DENND2B: variants seen among roughly 807,000 people sequenced by gnomAD.
DENND2B encodes DENN domain containing 2B.
Under a neutral mutation model 116.0 loss-of-function variants are expected in DENND2B, and 32 were observed. The observed-to-expected ratio is 0.28, with a 90% CI of 0.21 to 0.37. The LOEUF (loss-of-function observed/expected upper bound fraction) is 0.37, where lower values mean the gene tolerates loss of function less well. Among genes scored for constraint, DENND2B ranks in the 10% least tolerant of loss-of-function variants. The pLI, the probability that DENND2B is intolerant of heterozygous loss-of-function variation, is 1.00. For missense variants in DENND2B, 1,276 were observed against 1,477.7 expected (o/e 0.86, Z 2.24); for synonymous variants, 588 against 583.9 (o/e 1.01, Z -0.10).
chr11:8,897,757 T>C (rs2064120344), intron 1 of DENND2B, among the ~76,000 whole-genome samples: 1 of 152,082 alleles, frequency 6.6e-6, no homozygotes, highest in Non-Finnish European at 1.5e-5. Flanking sequence ...AGAAATAAAA[T>C]TGGGGCAGAC....
intron 4 of DENND2B, among the ~76,000 whole-genome samples, chr11:8,821,107 G>A (rs1235506815): frequency 6.2e-5 from 9 of 145,270 alleles, no homozygotes; most frequent in African/African-American, 1.0e-4. Context: ...GCAACAGAGC[G>A]AGACTCTGCC....
chr11:8,723,138 G>A (rs1423637219), intron 4 of DENND2B, among the ~76,000 whole-genome samples: 1 of 152,052 alleles, frequency 6.6e-6, no homozygotes, highest in Non-Finnish European at 1.5e-5. Context: ...ACTGCAATGT[G>A]TCAGTTTGCT....
chr11:8,728,443 T>C (rs548740685), intron 3 of DENND2B, among the ~76,000 whole-genome samples: 1 of 152,350 alleles, frequency 6.6e-6, no homozygotes, highest in Non-Finnish European at 1.5e-5. Flanking sequence ...CTTCTGGAAC[T>C]GTTTCTCTTT....
At chr11:8,903,606 G>A (rs2064198616) in intron 1 of DENND2B, among the ~76,000 whole-genome samples, 1 of 151,918 alleles carries the variant, frequency 6.6e-6, no homozygotes, top group African/African-American at 2.4e-5. Flanking sequence ...TAAGTGACTG[G>A]GCAAATTCTT....
At chr11:8,828,067 G>T (rs1485788202) in intron 4 of DENND2B, among the ~76,000 whole-genome samples, 1 of 152,152 alleles carries the variant, frequency 6.6e-6, no homozygotes, top group Admixed American at 6.5e-5. Context: ...ACTTGGGATG[G>T]ACCCCAAGGC....
At chr11:8,699,027 C>T (rs1186149086) in intron 15 of DENND2B, 53 bp from the exon 16 acceptor site, 2 of 1,606,738 alleles carry the variant, frequency 1.2e-6, no homozygotes, top group Non-Finnish European at 1.7e-6. Context: ...CCCGCAATGC[C>T]CTCTGCCAGG....
intron 10 of DENND2B, 68 bp downstream of exon 10, chr11:8,711,054 C>T (rs1315942007): frequency 6.4e-7 from 1 of 1,566,138 alleles, no homozygotes; most frequent in African/African-American, 1.4e-5. Flanking sequence ...AGGCCCCACT[C>T]AGGTGCCCAC....
At chr11:8,728,176 A>C (rs2047452285) in intron 3 of DENND2B, among the ~76,000 whole-genome samples, 1 of 151,972 alleles carries the variant, frequency 6.6e-6, no homozygotes, top group Admixed American at 6.6e-5. Context: ...CTAATTTTTT[A>C]AATTTTTTGT....
At chr11:8,823,437 T>C (rs765328078) in intron 4 of DENND2B, among the ~76,000 whole-genome samples, 1 of 152,184 alleles carries the variant, frequency 6.6e-6, no homozygotes, top group Non-Finnish European at 1.5e-5. Context: ...TGTTGAGCCA[T>C]CTGATATGGT....
Position 8,701,953 on chromosome 11 carries a change from C to A in DENND2B, c.2720+619G>T, listed in dbSNP as rs116345325. ...TTCCCTGGCACCTCCAGGCCCTGCA[C>A]ATCATCTGTTTCCCGGTGTGGGCTG... On this transcript the variant is annotated intron_variant, in intron 14 of 19. Coordinates refer to ENST00000313726, the MANE Select transcript of DENND2B (RefSeq NM_213618.2). Among the ~76,000 whole-genome samples the A allele has an allele frequency of 6.5e-3, 989 of 152,274 alleles. 5 individuals carry two copies. The highest frequency in any genetic ancestry group is 0.023 in the African/African-American group (955 of 41,550).
intron 14 of DENND2B, among the ~76,000 whole-genome samples, chr11:8,700,530 C>T (rs1228868041): frequency 6.6e-6 from 1 of 152,196 alleles, no homozygotes; most frequent in East Asian, 1.9e-4. Flanking sequence ...TTCCTCTCAA[C>T]TGCTTCCTCA....
chr11:8,753,280 G>A (rs561531166), intron 1 of DENND2B, among the ~76,000 whole-genome samples: 42 of 152,046 alleles, frequency 2.8e-4, no homozygotes, highest in African/African-American at 8.0e-4. Context: ...TACTAACAAC[G>A]AACAATCTGA....
intron 1 of DENND2B, among the ~76,000 whole-genome samples, chr11:8,910,407 G>A (rs149580130): frequency 6.6e-6 from 1 of 151,924 alleles, no homozygotes; most frequent in Non-Finnish European, 1.5e-5. Context: ...TGATGTTTTT[G>A]TTTTGAGACG....
chr11:8,779,535 G>A (rs1446980584), intron 1 of DENND2B, among the ~76,000 whole-genome samples: 51 of 123,596 alleles, frequency 4.1e-4, no homozygotes, highest in Admixed American at 3.8e-3. Flanking sequence ...TTTTTGAGAC[G>A]AAGTTTCATT....
At chr11:8,876,309 A>C (rs2063840562), upstream of DENND2B, among the ~76,000 whole-genome samples, 1 of 152,188 alleles carries the variant, frequency 6.6e-6, no homozygotes, top group African/African-American at 2.4e-5. Context: ...GTTTTAATAT[A>C]AAATTAAAAA....
intron 1 of DENND2B, among the ~76,000 whole-genome samples, chr11:8,797,442 T>G (rs1216862434): frequency 8.6e-6 from 1 of 116,390 alleles, no homozygotes; most frequent in South Asian, 3.5e-4. Flanking sequence ...TTCCCCCTTC[T>G]TCCCCCTTCT....
At chr11:8,816,409 G>A (rs1216639301) in intron 4 of DENND2B, among the ~76,000 whole-genome samples, 2 of 152,054 alleles carry the variant, frequency 1.3e-5, no homozygotes, top group Non-Finnish European at 2.9e-5. Context: ...AAATTGGCTG[G>A]GCATAGTGGC....
chr11:8,699,275 G>C lies in DENND2B; in HGVS notation c.2836C>G (p.Pro946Ala). Residue 946 changes from proline (P) to alanine (A), a missense_variant, in exon 15 of 20, where the codon CCC (proline) becomes GCC (alanine). Around this residue, in one of 2 missense-constraint regions of DENND2B, gnomAD observed 420 missense variants for 631.1 expected, o/e 0.67. Transcript: ENST00000313726. Reference protein sequence around the residue: ...SMIDIVCCPTPFLVGLLSSSL... With the variant: ...SMIDIVCCPTAFLVGLLSSSL... ...CTGGAGAGCAGGCCAACCAGGAAGG[G>C]GGTGGGACAGCAGACGATGTCAATC... The C allele has an allele frequency of 6.2e-7, 1 of 1,600,624 alleles. No homozygotes were observed. The highest frequency in any genetic ancestry group is 2.2e-5 in the East Asian group (1 of 44,800).
At chr11:8,762,575 A>G (rs1415027837) in intron 1 of DENND2B, among the ~76,000 whole-genome samples, 1 of 152,266 alleles carries the variant, frequency 6.6e-6, no homozygotes, top group African/African-American at 2.4e-5. Context: ...TGAAAAGCTT[A>G]TAAGACCAGG....
Sources: allele counts gnomAD v4.1 joint callset (sites outside exome capture counted in the v4.1 genomes callset), GRCh38; gene constraint gnomAD v4.1.1; regional missense constraint gnomAD v4.1.1; transcripts MANE v1.5; gene names NCBI Gene and HGNC (gene_info 2026-07-23, HGNC 2026-07-21).